Variants in CTNNA3 observed in about 807,000 individuals in gnomAD.
The protein encoded by CTNNA3 is catenin alpha-3.
In CTNNA3, 76 loss-of-function variants were observed where a neutral mutation model predicts 95.7. The ratio of observed to expected loss-of-function variants is 0.79; its 90% CI spans 0.66 to 0.96. The LOEUF (loss-of-function observed/expected upper bound fraction) is 0.96, where lower values mean the gene tolerates loss of function less well. Ranked by LOEUF, CTNNA3 falls within the 40% of genes least tolerant of loss-of-function variation. CTNNA3 has a pLI of 0.00. For synonymous variants in CTNNA3, 431 were observed against 374.4 expected (o/e 1.15, Z -1.74); for missense variants, 1,191 against 1,089.8 (o/e 1.09, Z -1.31).
intron 5 of CTNNA3, among the ~76,000 whole-genome samples, chr10:67,294,067 ATC>A (rs1446549211): frequency 6.6e-6 from 1 of 152,172 alleles, no homozygotes; most frequent in African/African-American, 2.4e-5. Flanking sequence ...CCAAAGGCTT[ATC>A]TAATACCAGT....
chr10:67,595,849 T>C (rs541849913), intron 3 of CTNNA3, among the ~76,000 whole-genome samples: 18 of 152,348 alleles, frequency 1.2e-4, no homozygotes, highest in East Asian at 3.9e-4. Flanking sequence ...TTAAGTCTTC[T>C]TGTTGAATTG....
chr10:67,620,917 G>GTATA (rs1473895655), intron 2 of CTNNA3, among the ~76,000 whole-genome samples: 2 of 101,358 alleles, frequency 2.0e-5, no homozygotes, highest in East Asian at 1.2e-3. Context: ...GTGTGTGTGT[G>GTATA]TGTGTGTATA....
At chr10:67,159,276 G>T (rs1456334285) in intron 7 of CTNNA3, among the ~76,000 whole-genome samples, 1 of 152,164 alleles carries the variant, frequency 6.6e-6, no homozygotes, top group Non-Finnish European at 1.5e-5. Flanking sequence ...GACAGGAATT[G>T]CTCACTCGGG....
chr10:67,076,119 T>C (rs1856734596), intron 7 of CTNNA3, among the ~76,000 whole-genome samples: 1 of 152,108 alleles, frequency 6.6e-6, no homozygotes, highest in African/African-American at 2.4e-5. Flanking sequence ...GATGGGAGGG[T>C]GGACCTTTTA....
intron 13 of CTNNA3, among the ~76,000 whole-genome samples, chr10:66,219,049 G>A (rs10822752): frequency 0.19 from 29,597 of 152,024 alleles, 3,145 homozygotes; most frequent in South Asian, 0.29. Context: ...TTGGTTATGT[G>A]GGAACAGATA....
intron 11 of CTNNA3, among the ~76,000 whole-genome samples, chr10:66,395,997 C>T (rs1302829742): frequency 1.3e-5 from 2 of 151,834 alleles, no homozygotes; most frequent in Admixed American, 6.6e-5. Context: ...CTACATGTAC[C>T]CATTGTTTAG....
intron 5 of CTNNA3, among the ~76,000 whole-genome samples, chr10:67,453,691 T>A (rs1161834520): frequency 6.6e-6 from 1 of 152,206 alleles, no homozygotes; most frequent in African/African-American, 2.4e-5. Context: ...CTGTTATCTG[T>A]AAAAATGTGC....
intron 16 of CTNNA3, among the ~76,000 whole-genome samples, chr10:65,971,211 A>G (rs572557623): frequency 5.3e-5 from 8 of 152,060 alleles, no homozygotes; most frequent in African/African-American, 1.9e-4. Context: ...TCAAAAAGTT[A>G]GAAAGATCTC....
chr10:66,704,395 G>T (rs1249010684), intron 9 of CTNNA3, among the ~76,000 whole-genome samples: 1 of 152,056 alleles, frequency 6.6e-6, no homozygotes, highest in Non-Finnish European at 1.5e-5. Context: ...AACTGCAGGA[G>T]TTTTTAATAT....
chr10:66,054,661 T>A (rs2080037986), intron 15 of CTNNA3, among the ~76,000 whole-genome samples: 1 of 152,170 alleles, frequency 6.6e-6, no homozygotes, highest in African/African-American at 2.4e-5. Flanking sequence ...TTTTTTTCCA[T>A]CCCGTGGGTT....
chr10:67,598,227 G>A lies in CTNNA3; in HGVS notation c.292+8630C>T, dbSNP rs117618032. 5.2e-3 allele frequency among the ~76,000 whole-genome samples: 792 copies of A among 152,242 alleles called. 3 individuals carry two copies. The highest frequency in any genetic ancestry group is 0.01 in the Middle Eastern group (3 of 294). On this transcript the variant is annotated intron_variant, in intron 3 of 17. Transcript: ENST00000433211. The stretch of plus-strand genomic sequence containing the variant: ...AACCTTCTGGGTTCCATGCAGGCTG[G>A]ATTCCTGTCTTTGCCAGCTCTCCAA...
intron 5 of CTNNA3, among the ~76,000 whole-genome samples, chr10:67,486,463 A>G (rs181266556): frequency 1.7e-4 from 26 of 151,806 alleles, no homozygotes; most frequent in Non-Finnish European, 4.4e-5. Context: ...TTTTTGCTTC[A>G]TTTCTTACCT....
intron 7 of CTNNA3, among the ~76,000 whole-genome samples, chr10:66,913,095 C>G (rs1229370957): frequency 2.0e-5 from 3 of 151,650 alleles, no homozygotes; most frequent in African/African-American, 7.3e-5. Flanking sequence ...AAAAATTAGC[C>G]GGGCGCTGTG....
chr10:67,704,027 T>C (rs1225920781), intron 1 of CTNNA3, among the ~76,000 whole-genome samples: 1 of 152,142 alleles, frequency 6.6e-6, no homozygotes, highest in East Asian at 1.9e-4. Flanking sequence ...CCATTCACAA[T>C]TGCTTCAAAG....
At chr10:66,024,031 G>A (rs1363106633) in intron 15 of CTNNA3, among the ~76,000 whole-genome samples, 14 of 148,962 alleles carry the variant, frequency 9.4e-5, no homozygotes, top group Admixed American at 8.7e-4. Flanking sequence ...TTGGTTTAGT[G>A]TGAGTCAAAA....
At position 66,825,340 on chromosome 10, in the gene CTNNA3, A is replaced by G. The variant is rs554796955; in HGVS notation, c.1048-49816T>C. ...GCCCAGGCTGGAGTGTGGTGGTGCA[A>G]TCTCAGCTCACTGCAACCTCCTCCT... On this transcript the variant is annotated intron_variant, in intron 7 of 17. Transcript: ENST00000433211. 5.3e-5 allele frequency among the ~76,000 whole-genome samples: 8 copies of G among 150,360 alleles called. No individual in the cohort carries two copies. In the East Asian group the frequency reaches 1.6e-3, roughly 29 times the overall value.
chr10:67,491,592 T>G (rs1237294501), intron 5 of CTNNA3, among the ~76,000 whole-genome samples: 1 of 152,190 alleles, frequency 6.6e-6, no homozygotes, highest in African/African-American at 2.4e-5. Context: ...AGAAATGTGA[T>G]GTATTCAAAG....
chr10:67,643,996 G>A (rs1376012587), intron 2 of CTNNA3, among the ~76,000 whole-genome samples: 3 of 152,064 alleles, frequency 2.0e-5, no homozygotes, highest in Admixed American at 6.6e-5. Context: ...ATAAACATAC[G>A]TGTGCATGTG....
At chr10:66,121,012 G>A (rs754914306) in intron 13 of CTNNA3, among the ~76,000 whole-genome samples, 31 of 152,122 alleles carry the variant, frequency 2.0e-4, no homozygotes, top group African/African-American at 4.3e-4. Flanking sequence ...GCTTCTCTCC[G>A]TGATGTCCTT....
Sources: allele counts gnomAD v4.1 joint callset (sites outside exome capture counted in the v4.1 genomes callset), GRCh38; gene constraint gnomAD v4.1.1; transcripts MANE v1.5; gene names NCBI Gene and HGNC (gene_info 2026-07-23, HGNC 2026-07-21).